Variants in PHGR1 observed in about 807,000 individuals in gnomAD.
The protein encoded by PHGR1 is proline, histidine and glycine rich 1.
PHGR1 carries 3 observed loss-of-function variants against 4.9 expected under a neutral mutation model. The observed-to-expected ratio is 0.61, with a 90% CI of 0.28 to 1.58. The LOEUF is 1.58. Ranked by LOEUF, PHGR1 falls within the 40% of genes most tolerant of loss-of-function variation. The pLI is 0.11. For synonymous variants in PHGR1, 32 were observed against 46.1 expected, an observed-to-expected ratio of 0.69 and a Z score of 1.24; for missense variants, 81 against 118.7, an observed-to-expected ratio of 0.68 and a Z score of 1.48.
At chr15:40,354,201 C>T in intron 2 of PHGR1, 144 bp from the exon 3 acceptor site, 4 of 797,814 alleles carry the variant, frequency 5.0e-6, no homozygotes, top group Non-Finnish European at 8.0e-6. Flanking sequence ...GAATGATTGT[C>T]AGGCAAGTGA....
intron 1 of PHGR1, among the ~76,000 whole-genome samples, chr15:40,351,408 G>A (rs1230395032): frequency 6.6e-6 from 1 of 152,150 alleles, no homozygotes; most frequent in East Asian, 1.9e-4. Flanking sequence ...TACATTCTGA[G>A]GATTGTCTTT....
At chr15:40,353,140 TGTGTGTGCGCGCGCGC>T (rs1381147468) in intron 1 of PHGR1, 76 bp from the exon 2 acceptor site, 8 of 930,778 alleles carry the variant, frequency 8.6e-6, no homozygotes, top group Non-Finnish European at 1.3e-5. Flanking sequence ...TGTGTGTGTG[TGTGTGTGCGCGCGCGC>T]GCGCATCCGT....
intron 1 of PHGR1, 122 bp from the exon 2 acceptor site, chr15:40,353,110 G>GGTGTGTGTGTGTGTGTGTGT (rs57886573): frequency 1.8e-5 from 10 of 565,302 alleles, no homozygotes; most frequent in African/African-American, 6.2e-5. Flanking sequence ...TCCTTTGAAG[G>GGTGTGTGTGTGTGTGTGTGT]GTGTGTGTGT....
chr15:40,356,156 A>G lies in PHGR1; in HGVS notation c.102A>G (p.Pro34=). The G allele has an allele frequency of 1.4e-6, 2 of 1,434,286 alleles. No homozygotes were observed. The highest frequency in any genetic ancestry group is 1.8e-6 in the Non-Finnish European group (2 of 1,087,936). 88.8% of individuals were successfully genotyped at this position (1,434,286 alleles called of 1,614,324 possible). Residue 34 remains proline, a synonymous_variant, in exon 4 of 4, where the codon CCA becomes CCG. Transcript: ENST00000448599. ...GCCATGGCCCAGGGCCCTGCGGGCC[A>G]CCCCCCCACCATGGTCCAGGGCCCT... The part of the protein sequence containing the change: ...PPGHGPGPCG[P]PPHHGPGPCG...
rs188182610 is a variant in PHGR1, at chr15:40,355,318, G to A, written c.19-755G>A. 1.5e-3 allele frequency among the ~76,000 whole-genome samples: 221 copies of A among 152,078 alleles called. 1 individual carries two copies. The highest frequency in any genetic ancestry group is 1.3e-3 in the Non-Finnish European group (85 of 67,996). On this transcript the variant is annotated intron_variant, in intron 3 of 3. Coordinates refer to ENST00000448599, the MANE Select transcript of PHGR1 (RefSeq NM_001145643.2). ...TACTTTCTATTCTTCCTGATTTCTT[G>A]GGTCTGGCATCCGCTCAGGAACAGG... is the stretch of plus-strand genomic sequence containing the variant.
chr15:40,354,227 CCT>C (rs1889253087), intron 2 of PHGR1, 116 bp from the exon 3 acceptor site: 1 of 1,065,348 alleles, frequency 9.4e-7, no homozygotes, highest in East Asian at 2.6e-5. Context: ...TCTGAGAGGC[CCT>C]GTTGGGTTAG....
intron 2 of PHGR1, 138 bp downstream of exon 2, chr15:40,353,405 TA>T: frequency 9.2e-7 from 1 of 1,092,134 alleles, no homozygotes; most frequent in Non-Finnish European, 1.4e-6. Context: ...AAGGCAGTGG[TA>T]GGGGTCCACA....
intron 3 of PHGR1, 58 bp from the exon 4 acceptor site, chr15:40,356,015 C>T (rs1349179719): frequency 6.6e-7 from 1 of 1,507,120 alleles, no homozygotes; most frequent in Non-Finnish European, 9.0e-7. Flanking sequence ...GAGAGCTGAT[C>T]TCAGGTAAGC....
chr15:40,353,640 C>T lies in PHGR1; in HGVS notation c.10+373C>T, dbSNP rs534842449. On this transcript the variant is annotated intron_variant, in intron 2 of 3. Transcript: ENST00000448599. ...TGCCATCGGCTTCCCTCGAAATGAA[C>T]AAAAGACCGTCCTAGCCTTTAAGAA... The T allele has an allele frequency of 3.6e-4, 96 of 267,362 alleles. No homozygotes were observed. The South Asian group carries it at 4.3e-3, about 12-fold the overall frequency. 16.6% of individuals were successfully genotyped at this position (267,362 alleles called of 1,614,324 possible).
chr15:40,355,035 T>A (rs1034805843), intron 3 of PHGR1, among the ~76,000 whole-genome samples: 2 of 152,238 alleles, frequency 1.3e-5, no homozygotes, highest in East Asian at 3.9e-4. Context: ...AGAAGGAGAC[T>A]GGGGAGTTAT....
chr15:40,353,407 G>A, intron 2 of PHGR1, 140 bp downstream of exon 2: 2 of 1,078,284 alleles, frequency 1.9e-6, no homozygotes, highest in South Asian at 2.8e-5. Flanking sequence ...GGCAGTGGTA[G>A]GGGTCCACAA....
In PHGR1 at chr15:40,356,125, C is replaced by G. The variant is rs924722865; in HGVS notation, c.71C>G (p.Pro24Arg). The G allele has an allele frequency of 1.1e-5, 17 of 1,548,720 alleles. No homozygotes were observed. The highest frequency in any genetic ancestry group is 1.3e-5 in the Non-Finnish European group (15 of 1,146,272). ...HGHPPGHCGP[P>R]PGHGPGPCGP... is the part of the protein sequence containing the mutation. ...CATCCTCCAGGTCACTGCGGGCCAC[C>G]CCCTGGCCATGGCCCAGGGCCCTGC... Residue 24 changes from proline (P) to arginine (R), a missense_variant, in exon 4 of 4, where the codon CCC becomes CGC. By Grantham distance (103) the Pro-to-Arg change is moderately radical. Coordinates refer to ENST00000448599, the MANE Select transcript of PHGR1 (RefSeq NM_001145643.2).
rs111832905 is a variant in PHGR1, at chr15:40,355,173, C to CAAA, written c.18+829_18+831dup. Among the ~76,000 whole-genome samples the CAAA allele has an allele frequency of 1.6e-3, 239 of 146,262 alleles. 2 individuals carry two copies. The highest frequency in any genetic ancestry group is 7.0e-3 in the Middle Eastern group (2 of 284). ...GGCTTGTGGCAAAAAGTTAAAAAAA[C>CAAA]AAAAAAAAAACAAAAAACTCCCCTG... On this transcript the variant is annotated intron_variant, in intron 3 of 3. Coordinates refer to ENST00000448599, the MANE Select transcript of PHGR1 (RefSeq NM_001145643.2).
Position 40,354,477 on chromosome 15 carries a change from G to C in PHGR1, c.18+125G>C, listed in dbSNP as rs1368956454. ...TCCCCCAAATGAAAAGAAGGGAGCAGGCTCAGGCAGCAGCCCCGTGGAGTG... is the reference window on the plus strand; with the variant it reads ...TCCCCCAAATGAAAAGAAGGGAGCACGCTCAGGCAGCAGCCCCGTGGAGTG... On this transcript the variant is annotated intron_variant, in intron 3 of 3. Transcript: ENST00000448599. 3.2e-6 allele frequency: 4 copies of C among 1,238,106 alleles called. No homozygotes were observed. The Admixed American group carries it at 9.5e-5, about 30-fold the overall frequency. 76.7% of individuals were successfully genotyped at this position (1,238,106 alleles called of 1,614,324 possible).
intron 3 of PHGR1, 43 bp from the exon 4 acceptor site, chr15:40,356,030 C>A: frequency 6.5e-7 from 1 of 1,527,494 alleles, no homozygotes; most frequent in Non-Finnish European, 8.9e-7. Flanking sequence ...GTAAGCTTAG[C>A]CCTGACCTCT....
chr15:40,353,577 A>T, intron 2 of PHGR1: 1 of 360,998 alleles, frequency 2.8e-6, no homozygotes, highest in Non-Finnish European at 5.1e-6. Flanking sequence ...ATAGAGGTGC[A>T]GCTGGGTCGG....
At position 40,353,551 on chromosome 15, in the gene PHGR1, T is replaced by A. The variant is rs1409207700; in HGVS notation, c.10+284T>A. ...CAAGGCCCAGGGGAGCTAGGGGTTATGCTCAGGGAAAGGCCATAGAGGTGC... is the reference window on the plus strand; with the variant it reads ...CAAGGCCCAGGGGAGCTAGGGGTTAAGCTCAGGGAAAGGCCATAGAGGTGC... On this transcript the variant is annotated intron_variant, in intron 2 of 3. Coordinates refer to ENST00000448599, the MANE Select transcript of PHGR1 (RefSeq NM_001145643.2). The A allele has an allele frequency of 7.0e-6, 3 of 428,012 alleles. No individual in the cohort carries two copies. In the Admixed American group the frequency reaches 1.1e-4, roughly 16 times the overall value. 26.5% of individuals were successfully genotyped at this position (428,012 alleles called of 1,614,324 possible). A position where few individuals can be genotyped will look rare whatever the true frequency, so the allele number is the denominator to read the frequency against.
At chr15:40,351,121 T>C (rs1566910816) in intron 1 of PHGR1, 59 bp downstream of exon 1, 1 of 152,646 alleles carries the variant, frequency 6.6e-6, no homozygotes, top group East Asian at 1.9e-4. Context: ...GTGGGGTATG[T>C]TGTGTGTGCA....
In PHGR1 at chr15:40,354,459, A is replaced by T; in HGVS notation, c.18+107A>T. On this transcript the variant is annotated intron_variant, in intron 3 of 3. Coordinates refer to ENST00000448599, the MANE Select transcript of PHGR1 (RefSeq NM_001145643.2). ...CAGGGAGCAGCCACCACTTCCCCCA[A>T]ATGAAAAGAAGGGAGCAGGCTCAGG... 3 of 1,335,614 alleles carry T rather than the reference A, an allele frequency of 2.2e-6. No individual in the cohort carries two copies. The Admixed American group carries it at 6.9e-5, about 31-fold the overall frequency. The allele number at this position is 1,335,614 out of a possible 1,614,324, so 82.7% of individuals were successfully genotyped here.
Sources: gnomAD v4.1 joint callset for allele counts (sites outside exome capture counted in the v4.1 genomes callset) on GRCh38, gnomAD v4.1.1 for gene constraint, MANE v1.5 for transcripts, NCBI Gene and HGNC (gene_info 2026-07-23, HGNC 2026-07-21) for gene names.